The following RIOK1 variants were observed in gnomAD, a reference collection of about 807,000 sequenced individuals.
RIOK1 encodes the protein RIO kinase 1.
A neutral mutation model predicts 73.5 loss-of-function variants in RIOK1; 66 were observed. That is an observed-to-expected ratio of 0.90 (90% confidence interval 0.74 to 1.10). The LOEUF (loss-of-function observed/expected upper bound fraction) is 1.10. Ranked by LOEUF, RIOK1 falls within the 50% of genes least tolerant of loss-of-function variation. The pLI is 0.00. For missense variants in RIOK1, 658 were observed against 699.8 expected, an observed-to-expected ratio of 0.94 and a Z score of 0.67; for synonymous variants, 224 against 226.8, an observed-to-expected ratio of 0.99 and a Z score of 0.11.
At chr6:7,395,773 G>A (rs1209045248) in intron 3 of RIOK1, among the ~76,000 whole-genome samples, 1 of 150,972 alleles carries the variant, frequency 6.6e-6, no homozygotes. Flanking sequence ...GCAGTGGCAC[G>A]ATCTTGGCTC....
At chr6:7,408,195 C>G (rs950789236) in intron 12 of RIOK1, among the ~76,000 whole-genome samples, 1 of 152,158 alleles carries the variant, frequency 6.6e-6, no homozygotes, top group East Asian at 1.9e-4. Flanking sequence ...TGCCATCATG[C>G]CCAGCTAATT....
intron 16 of RIOK1, among the ~76,000 whole-genome samples, chr6:7,416,377 G>A (rs1762000238): frequency 1.3e-5 from 2 of 152,152 alleles, no homozygotes; most frequent in African/African-American, 2.4e-5. Flanking sequence ...AGCTGGGCGC[G>A]GTGGCTCACG....
chr6:7,400,366 C>T (rs768864203), intron 5 of RIOK1, among the ~76,000 whole-genome samples: 12 of 152,060 alleles, frequency 7.9e-5, no homozygotes, highest in Non-Finnish European at 1.6e-4. Context: ...GTCCATGGGC[C>T]GGAGAGTGCT....
At chr6:7,404,855 A>C (rs1374027169) in intron 10 of RIOK1, 63 bp from the exon 11 acceptor site, 1 of 1,386,462 alleles carries the variant, frequency 7.2e-7, no homozygotes, top group Non-Finnish European at 1.0e-6. Context: ...AGTAGAATTT[A>C]TTTTAAACGA....
intron 5 of RIOK1, 51 bp downstream of exon 5, chr6:7,398,791 C>A: frequency 7.0e-7 from 1 of 1,434,840 alleles, no homozygotes; most frequent in Non-Finnish European, 9.8e-7. Context: ...CATTTCTTCT[C>A]TCTTTGAATT....
chr6:7,394,928 C>T (rs1761434670), intron 2 of RIOK1, 125 bp from the exon 3 acceptor site: 1 of 1,454,548 alleles, frequency 6.9e-7, no homozygotes, highest in Non-Finnish European at 9.4e-7. Flanking sequence ...TGACTCTTAC[C>T]TTTCCTTAAG....
chr6:7,396,511 G>A (rs371089521), intron 3 of RIOK1, among the ~76,000 whole-genome samples, 192 bp from the exon 4 acceptor site: 1 of 152,156 alleles, frequency 6.6e-6, no homozygotes. Context: ...TGACACTTAC[G>A]AAGGAAACGC....
intron 16 of RIOK1, among the ~76,000 whole-genome samples, chr6:7,416,661 G>A (rs1224423118): frequency 5.2e-5 from 6 of 114,976 alleles, no homozygotes; most frequent in African/African-American, 1.4e-4. Flanking sequence ...AAAAAAAAAA[G>A]AGGAAGCTCA....
rs781498844 is a variant in RIOK1, at chr6:7,396,788, A to G, written c.437+16A>G. Reference sequence around the variant, plus strand: ...AAGCAGATATGTAAGTAATATTTTAATAATATGCATGGGTGATAAGGACTA... The same window carrying G: ...AAGCAGATATGTAAGTAATATTTTAGTAATATGCATGGGTGATAAGGACTA... On this transcript the variant is annotated intron_variant, in intron 4 of 16. Transcript: ENST00000379834. 1.5e-6 allele frequency: 2 copies of G among 1,350,350 alleles called. No individual in the cohort carries two copies. The highest frequency in any genetic ancestry group is 2.4e-5 in the South Asian group (2 of 84,120). 83.6% of individuals were successfully genotyped at this position (1,350,350 alleles called of 1,614,324 possible).
intron 4 of RIOK1, among the ~76,000 whole-genome samples, chr6:7,397,678 GT>G (rs1761506325): frequency 6.6e-6 from 1 of 152,156 alleles, no homozygotes; most frequent in Admixed American, 6.5e-5. Flanking sequence ...TGTCCAAGAG[GT>G]ATCAGCTTTT....
intron 12 of RIOK1, among the ~76,000 whole-genome samples, chr6:7,406,108 C>T (rs1761740229): frequency 6.6e-6 from 1 of 151,874 alleles, no homozygotes; most frequent in African/African-American, 2.4e-5. Context: ...AGTGATCCTC[C>T]CAGCTCAGTC....
rs759292920 is a variant in RIOK1, at chr6:7,414,286, T to G, written c.1492T>G (p.Ser498Ala). Residue 498 changes from serine (S) to alanine (A), a missense_variant, in exon 16 of 17, where the codon TCA (serine) becomes GCA (alanine). By Grantham distance (99) the Ser-to-Ala change is moderately conservative (BLOSUM62 1). Coordinates refer to ENST00000379834, the MANE Select transcript of RIOK1 (RefSeq NM_031480.3). ...AGTGGAGGAAAGGACTTGTTCTGAT[T>G]CAGAAGATATTGGAAGCTCTGAGTG... ...NQVEERTCSD[S>A]EDIGSSECSD... 1 of 1,613,936 alleles carries G rather than the reference T, an allele frequency of 6.2e-7. No homozygotes were observed. Among genetic ancestry groups the G allele is most frequent in the East Asian group, 2.2e-5 (1 of 44,884 alleles).
intron 12 of RIOK1, among the ~76,000 whole-genome samples, chr6:7,409,213 T>TTGTGTGTGTGTG (rs58234662): frequency 2.3e-5 from 2 of 88,176 alleles, no homozygotes; most frequent in Non-Finnish European, 4.5e-5. Flanking sequence ...TCCCGACTAA[T>TTGTGTGTGTGTG]TGTGTGTGTG....
chr6:7,406,087 C>T (rs536798495), intron 12 of RIOK1, among the ~76,000 whole-genome samples: 69 of 151,566 alleles, frequency 4.6e-4, no homozygotes, highest in Admixed American at 1.1e-3. Context: ...AACCTCTGCC[C>T]CTCAGGGTCA....
At chr6:7,408,972 C>T (rs1234662337) in intron 12 of RIOK1, among the ~76,000 whole-genome samples, 2 of 151,936 alleles carry the variant, frequency 1.3e-5, no homozygotes, top group African/African-American at 2.4e-5. Flanking sequence ...CCATCCGCCT[C>T]GGCCTCCCAA....
chr6:7,417,231 C>T, intron 16 of RIOK1, 100 bp from the exon 17 acceptor site: 1 of 663,776 alleles, frequency 1.5e-6, no homozygotes, highest in Non-Finnish European at 2.5e-6. Context: ...GCCTGGGCGA[C>T]AGAGCAAGAC....
chr6:7,414,136 T>C lies in RIOK1; in HGVS notation c.1444-102T>C, dbSNP rs1415663777. 4 of 1,013,256 alleles carry C rather than the reference T, an allele frequency of 3.9e-6. No homozygotes were observed. In the African/African-American group the frequency reaches 6.5e-5, roughly 16 times the overall value. The allele number at this position is 1,013,256 out of a possible 1,614,324, so 62.8% of individuals were successfully genotyped here. A position where few individuals can be genotyped will look rare whatever the true frequency, so the allele number is the denominator to read the frequency against. ...AGGATGTTAGTTTTTAACATATATT[T>C]GCGAGCCTAAAATCTGAATTCTGGC... is the stretch of plus-strand genomic sequence containing the variant. On this transcript the variant is annotated intron_variant, in intron 15 of 16. Coordinates refer to ENST00000379834, the MANE Select transcript of RIOK1 (RefSeq NM_031480.3).
At chr6:7,407,716 A>G (rs1214375051) in intron 12 of RIOK1, among the ~76,000 whole-genome samples, 1 of 148,068 alleles carries the variant, frequency 6.8e-6, no homozygotes, top group Non-Finnish European at 1.5e-5. Context: ...CTGGTCTTAG[A>G]CTCCTGGGCT....
intron 3 of RIOK1, among the ~76,000 whole-genome samples, chr6:7,395,513 CAAAAA>C (rs34911861): frequency 9.2e-6 from 1 of 108,162 alleles, no homozygotes; most frequent in Non-Finnish European, 1.8e-5. Context: ...AATTCCATCT[CAAAAA>C]AAAAAAAAAA....
Sources: allele counts gnomAD v4.1 joint callset (sites outside exome capture counted in the v4.1 genomes callset), GRCh38; gene constraint gnomAD v4.1.1; transcripts MANE v1.5; gene names NCBI Gene and HGNC (gene_info 2026-07-23, HGNC 2026-07-21).